The following TACC2 variants were observed in gnomAD, a reference collection of about 807,000 sequenced individuals.
TACC2 encodes the protein transforming acidic coiled-coil-containing protein 2.
TACC2 carries 137 observed loss-of-function variants against 227.3 expected under a neutral mutation model. The observed-to-expected ratio is 0.60, with a 90% CI of 0.52 to 0.69. The LOEUF (loss-of-function observed/expected upper bound fraction) is 0.69. TACC2 is among the 30% of genes least tolerant of loss of function. TACC2 has a pLI of 0.00. For missense variants in TACC2, 3,470 were observed against 3,694.4 expected, an observed-to-expected ratio of 0.94 and a Z score of 1.57; for synonymous variants, 1,523 against 1,487.5, an observed-to-expected ratio of 1.02 and a Z score of -0.55.
intron 11 of TACC2, among the ~76,000 whole-genome samples, chr10:122,219,708 G>A (rs2141211209): frequency 6.6e-6 from 1 of 152,282 alleles, no homozygotes; most frequent in East Asian, 1.9e-4. Context: ...CTTGGTAAGA[G>A]ATTTCTAAAT....
chr10:122,130,371 G>T lies in TACC2; in HGVS notation c.5574-2238G>T, dbSNP rs545005402. On this transcript the variant is annotated intron_variant, in intron 5 of 22. Transcript: ENST00000369005. The stretch of plus-strand genomic sequence containing the variant: ...CCTCTAGAATACCAAGCTCCTTCCT[G>T]ATTCAGGGTTTTTAAATACGTGGCT... Among the ~76,000 whole-genome samples, 18 of 152,248 alleles carry T rather than the reference G, an allele frequency of 1.2e-4. No individual in the cohort carries two copies. The South Asian group carries it at 1.9e-3, about 16-fold the overall frequency.
Position 122,192,873 on chromosome 10 carries a change from TCCCGGGGCAGCA to T in TACC2, c.5835-2151_5835-2140del, listed in dbSNP as rs200617060. 2,803 of 426,510 alleles carry T rather than the reference TCCCGGGGCAGCA, an allele frequency of 6.6e-3. 55 individuals carry two copies. Among genetic ancestry groups the T allele is most frequent in the African/African-American group, 0.044 (2,163 of 49,690 alleles). 26.4% of individuals were successfully genotyped at this position (426,510 alleles called of 1,614,324 possible). A position where few individuals can be genotyped will look rare whatever the true frequency, so the allele number is the denominator to read the frequency against. On this transcript the variant is annotated intron_variant, in intron 7 of 22. Transcript: ENST00000369005. The stretch of plus-strand genomic sequence containing the variant: ...TGGGGGCCTGGTGAGGAAGCTGGGT[TCCCGGGGCAGCA>T]CCCGGGGCAGCACCCAGGGCTCGCC...
At chr10:121,991,170 C>G (rs1953013821) in intron 1 of TACC2, among the ~76,000 whole-genome samples, 1 of 152,140 alleles carries the variant, frequency 6.6e-6, no homozygotes, top group East Asian at 1.9e-4. Context: ...TGTGTTCTGT[C>G]TTCTTCAGTA....
intron 5 of TACC2, among the ~76,000 whole-genome samples, chr10:122,114,147 G>C (rs1219330904): frequency 1.3e-5 from 2 of 152,212 alleles, no homozygotes; most frequent in Non-Finnish European, 2.9e-5. Flanking sequence ...GAGAGGATGG[G>C]GGGCCCTCGT....
chr10:122,108,388 TTC>T (rs146723425), intron 5 of TACC2, among the ~76,000 whole-genome samples: 9 of 146,478 alleles, frequency 6.1e-5, no homozygotes, highest in South Asian at 2.2e-4. Context: ...CGCTCTCTCT[TTC>T]TCTCTCTCTC....
At chr10:122,014,850 A>G (rs888389149) in intron 1 of TACC2, among the ~76,000 whole-genome samples, 10 of 152,174 alleles carry the variant, frequency 6.6e-5, no homozygotes, top group African/African-American at 2.4e-4. Context: ...TCCCTGATCA[A>G]AGAGAGGGAT....
intron 5 of TACC2, among the ~76,000 whole-genome samples, chr10:122,104,165 G>A (rs1010742500): frequency 6.6e-6 from 1 of 152,090 alleles, no homozygotes; most frequent in Non-Finnish European, 1.5e-5. Flanking sequence ...AGAAGGCATT[G>A]GAGAGTCAAT....
intron 3 of TACC2, among the ~76,000 whole-genome samples, chr10:122,066,279 T>A (rs1350393486): frequency 6.6e-6 from 1 of 151,192 alleles, no homozygotes; most frequent in Admixed American, 6.6e-5. Flanking sequence ...AGCTATTTTT[T>A]TTTTTTTTTT....
rs758899840 is a variant in TACC2 at position 122,132,605 on chromosome 10, C to T, written c.5574-4C>T. On this transcript the variant is annotated splice_region_variant and splice_polypyrimidine_tract_variant and intron_variant, in intron 5 of 22. Coordinates refer to ENST00000369005, the MANE Select transcript of TACC2 (RefSeq NM_206862.4). ...TTTAGGTTCTTTCCCTTTTCTCTCCCCAGTTCACCTGTGGCAGATGATATC... is the reference window on the plus strand; with the variant it reads ...TTTAGGTTCTTTCCCTTTTCTCTCCTCAGTTCACCTGTGGCAGATGATATC... 1 of 1,614,142 alleles carries T rather than the reference C, an allele frequency of 6.2e-7. No individual in the cohort carries two copies.
chr10:122,019,286 G>A (rs1396229677), intron 1 of TACC2, among the ~76,000 whole-genome samples: 1 of 152,234 alleles, frequency 6.6e-6, no homozygotes, highest in African/African-American at 2.4e-5. Context: ...TCCATAAACA[G>A]GTGCCAGACT....
chr10:121,997,444 C>G (rs374436463), intron 1 of TACC2, among the ~76,000 whole-genome samples: 2 of 152,248 alleles, frequency 1.3e-5, no homozygotes, highest in Admixed American at 6.5e-5. Flanking sequence ...TCTTCCTTAT[C>G]AAATATCTAA....
At chr10:122,144,281 T>C (rs528436653) in intron 7 of TACC2, among the ~76,000 whole-genome samples, 1 of 151,698 alleles carries the variant, frequency 6.6e-6, no homozygotes, top group Non-Finnish European at 1.5e-5. Flanking sequence ...ATTAATCTCA[T>C]GTAAAAAATA....
At position 122,041,472 on chromosome 10, in the gene TACC2, A is replaced by C. The variant is rs550125150; in HGVS notation, c.34-8966A>C. ...TTTTTTTTTTCTCGTAACGAGACAG[A>C]GTCCTGCTTTGTCACCCAGGCTGGA... On this transcript the variant is annotated intron_variant, in intron 2 of 22. Transcript: ENST00000369005. Among the ~76,000 whole-genome samples, 3 of 147,222 alleles carry C rather than the reference A, an allele frequency of 2.0e-5. No individual in the cohort carries two copies. The South Asian group carries it at 6.5e-4, about 32-fold the overall frequency.
chr10:122,172,430 C>T (rs559707412), intron 7 of TACC2, among the ~76,000 whole-genome samples: 1 of 152,186 alleles, frequency 6.6e-6, no homozygotes, highest in East Asian at 1.9e-4. Context: ...TGAGAAGCAG[C>T]CCACATTCCA....
intron 7 of TACC2, among the ~76,000 whole-genome samples, chr10:122,193,101 T>C (rs1348912698): frequency 2.0e-5 from 3 of 152,196 alleles, no homozygotes; most frequent in African/African-American, 7.2e-5. Flanking sequence ...GTATCTTCTG[T>C]TGGGTTTGCA....
chr10:122,228,104 C>T, intron 14 of TACC2, 96 bp downstream of exon 14: 1 of 1,307,524 alleles, frequency 7.6e-7, no homozygotes, highest in African/African-American at 1.5e-5. Flanking sequence ...GCAACACTCA[C>T]CTGGCACCTG....
intron 2 of TACC2, chr10:122,022,658 A>G (rs1224237342): frequency 6.6e-6 from 1 of 152,198 alleles, no homozygotes; most frequent in Non-Finnish European, 1.5e-5. Context: ...ACATGGATTT[A>G]GCAGAGGTTA....
chr10:122,186,703 G>A (rs138468064), intron 7 of TACC2, among the ~76,000 whole-genome samples: 2 of 152,182 alleles, frequency 1.3e-5, no homozygotes, highest in Non-Finnish European at 2.9e-5. Context: ...AGTAGAGATG[G>A]GGTTTCACCA....
chr10:122,053,046 C>T (rs1012966538), intron 3 of TACC2, among the ~76,000 whole-genome samples: 2 of 152,204 alleles, frequency 1.3e-5, no homozygotes, highest in South Asian at 2.1e-4. Flanking sequence ...AAAACCTATT[C>T]GGTTCTGATC....
Sources: gnomAD v4.1 joint callset for allele counts (sites outside exome capture counted in the v4.1 genomes callset) on GRCh38, gnomAD v4.1.1 for gene constraint, MANE v1.5 for transcripts, NCBI Gene and HGNC (gene_info 2026-07-23, HGNC 2026-07-21) for gene names.